Variants in ENAH observed in about 807,000 individuals in gnomAD.
ENAH encodes the protein ENAH actin regulator, also known as protein enabled homolog.
A neutral mutation model predicts 78.7 loss-of-function variants in ENAH; 23 were observed. The observed-to-expected ratio is 0.29, with a 90% CI of 0.21 to 0.41. The LOEUF (loss-of-function observed/expected upper bound fraction) is 0.41, where lower values mean the gene tolerates loss of function less well. Ranked by LOEUF, ENAH falls within the 10% of genes least tolerant of loss-of-function variation. The pLI, the probability that ENAH is intolerant of heterozygous loss-of-function variation, is 1.00. For missense variants in ENAH, 544 were observed against 691.0 expected (o/e 0.79, Z 2.39); for synonymous variants, 226 against 241.0 (o/e 0.94, Z 0.58).
rs1365776642 is a variant in ENAH, at chr1:225,491,010, G to C, written c.*6765C>G. On this transcript the variant is annotated 3_prime_UTR_variant, in exon 14 of 14. Transcript: ENST00000366843. ...CCAAGGATGGACAAACCTCAGACTT[G>C]ATCAATGGGTGGAGGGAAACTCCAT... is the stretch of plus-strand genomic sequence containing the variant. The C allele has an allele frequency of 6.6e-6, 1 of 152,198 alleles. No homozygotes were observed. The highest frequency in any genetic ancestry group is 1.9e-4 in the East Asian group (1 of 5,204). 9.4% of individuals were successfully genotyped at this position (152,198 alleles called of 1,614,324 possible).
intron 2 of ENAH, among the ~76,000 whole-genome samples, chr1:225,564,627 CAG>C (rs941955218): frequency 1.3e-5 from 2 of 151,770 alleles, no homozygotes; most frequent in African/African-American, 4.8e-5. Flanking sequence ...TTTGTAGAGA[CAG>C]AGTCTCATTA....
In ENAH at chr1:225,524,737, G is replaced by C. The variant is rs2096492494; in HGVS notation, c.435-5172C>G. 4.8e-6 allele frequency: 4 copies of C among 836,074 alleles called. No homozygotes were observed. In the South Asian group the frequency reaches 1.6e-4, roughly 34 times the overall value. The allele number at this position is 836,074 out of a possible 1,614,324, so 51.8% of individuals were successfully genotyped here. A position where few individuals can be genotyped will look rare whatever the true frequency, so the allele number is the denominator to read the frequency against. The stretch of plus-strand genomic sequence containing the variant: ...ATTCCCCTTTTATAACTTTCAGATA[G>C]TACTGGTGATTTGCGAACTATTTAT... On this transcript the variant is annotated intron_variant, in intron 4 of 13. Transcript: ENST00000366843.
chr1:225,577,056 G>A (rs1453936919), intron 1 of ENAH, among the ~76,000 whole-genome samples: 1 of 152,144 alleles, frequency 6.6e-6, no homozygotes, highest in Non-Finnish European at 1.5e-5. Context: ...GATTACTGGA[G>A]CCTTGGGCCA....
chr1:225,494,187 G>A lies in ENAH; in HGVS notation c.*3588C>T, dbSNP rs527527322. 1 of 151,706 alleles carries A rather than the reference G, an allele frequency of 6.6e-6. No homozygotes were observed. Among genetic ancestry groups the A allele is most frequent in the South Asian group, 2.1e-4 (1 of 4,802 alleles). The allele number at this position is 151,706 out of a possible 1,614,324, so 9.4% of individuals were successfully genotyped here. A position where few individuals can be genotyped will look rare whatever the true frequency, so the allele number is the denominator to read the frequency against. On this transcript the variant is annotated 3_prime_UTR_variant, in exon 14 of 14. Transcript: ENST00000366843. Reference sequence around the variant, plus strand: ...GTGGAGAGGAGAATGGAGGGGGGAAGGGGAAAATTTGGGTCTGGTCAAAGA... The same window carrying A: ...GTGGAGAGGAGAATGGAGGGGGGAAAGGGAAAATTTGGGTCTGGTCAAAGA...
At chr1:225,643,048 T>C (rs556718586) in intron 1 of ENAH, among the ~76,000 whole-genome samples, 1 of 152,372 alleles carries the variant, frequency 6.6e-6, no homozygotes, top group East Asian at 1.9e-4. Context: ...TTGTTTATTA[T>C]TCACTCAAAT....
chr1:225,534,212 C>T (rs2096550890), intron 3 of ENAH, among the ~76,000 whole-genome samples: 1 of 151,950 alleles, frequency 6.6e-6, no homozygotes, highest in Non-Finnish European at 1.5e-5. Context: ...GAAAAACCCC[C>T]AGGAGGAGGC....
intron 6 of ENAH, among the ~76,000 whole-genome samples, chr1:225,516,332 T>A (rs1328957073): frequency 6.6e-6 from 1 of 152,134 alleles, no homozygotes; most frequent in Admixed American, 6.5e-5. Flanking sequence ...AAAGTCATAA[T>A]GCTCCAAGGG....
chr1:225,555,704 G>GA (rs1218749942), intron 2 of ENAH, among the ~76,000 whole-genome samples: 7 of 152,024 alleles, frequency 4.6e-5, no homozygotes, highest in Non-Finnish European at 8.8e-5. Context: ...GTATCTCTCT[G>GA]AATGTTCACA....
At chr1:225,611,041 G>C (rs1183890787) in intron 1 of ENAH, among the ~76,000 whole-genome samples, 1 of 152,202 alleles carries the variant, frequency 6.6e-6, no homozygotes, top group East Asian at 1.9e-4. Flanking sequence ...AAAACTAATT[G>C]ACGCTGTTCT....
intron 4 of ENAH, among the ~76,000 whole-genome samples, chr1:225,524,379 G>T (rs1193867079): frequency 1.3e-5 from 2 of 152,212 alleles, no homozygotes; most frequent in East Asian, 3.8e-4. Context: ...TTAACAAAAT[G>T]AAGTAGGAAC....
At chr1:225,503,680 ACAAAACTATTTCACT>A (rs2096302138) in intron 11 of ENAH, among the ~76,000 whole-genome samples, 7 of 138,120 alleles carry the variant, frequency 5.1e-5, no homozygotes, top group Admixed American at 1.4e-4. Flanking sequence ...AAAAAAAAAC[ACAAAACTATTTCACT>A]ACTGGAATAT....
chr1:225,646,110 T>C lies in ENAH; in HGVS notation c.5+6576A>G, dbSNP rs911419135. The stretch of plus-strand genomic sequence containing the variant: ...TTCTGGTTACTTAAAACAAAACTTA[T>C]CTAAAGTTCACCTAAATATTAAACA... On this transcript the variant is annotated intron_variant, in intron 1 of 13. Transcript: ENST00000366843. Among the ~76,000 whole-genome samples, 11 of 151,906 alleles carry C rather than the reference T, an allele frequency of 7.2e-5. No homozygotes were observed. The East Asian group carries it at 2.1e-3, about 29-fold the overall frequency.
chr1:225,500,592 CTGCTTTT>C, intron 12 of ENAH, among the ~76,000 whole-genome samples: 1 of 152,304 alleles, frequency 6.6e-6, no homozygotes, highest in African/African-American at 2.4e-5. Context: ...TTTTTCCAAA[CTGCTTTT>C]TAGAAAGCAG....
intron 1 of ENAH, among the ~76,000 whole-genome samples, chr1:225,615,951 C>T (rs9700003): frequency 1.3e-5 from 2 of 152,156 alleles, no homozygotes; most frequent in South Asian, 4.1e-4. Flanking sequence ...TAGAAAGAAG[C>T]AGACATAGGA....
chr1:225,493,828 A>C lies in ENAH; in HGVS notation c.*3947T>G, dbSNP rs190606930. On this transcript the variant is annotated 3_prime_UTR_variant, in exon 14 of 14. Transcript: ENST00000366843. ...ACAGGAATTAAAGAGACCTTGTAGC[A>C]TACCTTTGCACACTGTGCTTCATAG... is the stretch of plus-strand genomic sequence containing the variant. 1.3e-5 allele frequency: 2 copies of C among 152,318 alleles called. No homozygotes were observed. The highest frequency in any genetic ancestry group is 1.9e-4 in the East Asian group (1 of 5,184). The allele number at this position is 152,318 out of a possible 1,614,324, so 9.4% of individuals were successfully genotyped here. A position where few individuals can be genotyped will look rare whatever the true frequency, so the allele number is the denominator to read the frequency against.
intron 4 of ENAH, among the ~76,000 whole-genome samples, chr1:225,522,676 C>G (rs536996285): frequency 2.6e-4 from 39 of 152,312 alleles, no homozygotes; most frequent in Non-Finnish European, 4.7e-4. Flanking sequence ...TTAATAAACT[C>G]AGCTGGAGCC....
At chr1:225,644,380 CTT>C (rs1248672303) in intron 1 of ENAH, among the ~76,000 whole-genome samples, 5 of 152,066 alleles carry the variant, frequency 3.3e-5, no homozygotes, top group Non-Finnish European at 5.9e-5. Context: ...TAAATGAAAA[CTT>C]AAGATACATA....
intron 1 of ENAH, among the ~76,000 whole-genome samples, chr1:225,593,227 C>A (rs2096885602): frequency 6.6e-6 from 1 of 152,080 alleles, no homozygotes; most frequent in African/African-American, 2.4e-5. Context: ...TTTCATAGTT[C>A]ACATTAAAAT....
intron 5 of ENAH, chr1:225,517,587 T>A: frequency 6.4e-7 from 1 of 1,550,958 alleles, no homozygotes; most frequent in Non-Finnish European, 8.7e-7. Flanking sequence ...TAGCTTTGCC[T>A]GGGGGGCTGC....
Sources: gnomAD v4.1 joint callset for allele counts (sites outside exome capture counted in the v4.1 genomes callset) on GRCh38, gnomAD v4.1.1 for gene constraint, MANE v1.5 for transcripts, NCBI Gene and HGNC (gene_info 2026-07-23, HGNC 2026-07-21) for gene names.